SPTLC3: variants seen among roughly 807,000 people sequenced by gnomAD.
SPTLC3 encodes serine palmitoyltransferase 3.
SPTLC3 carries 36 observed loss-of-function variants against 59.3 expected under a neutral mutation model. The observed-to-expected ratio is 0.61, with a 90% confidence interval of 0.47 to 0.80. The LOEUF is 0.80. Among genes scored for constraint, SPTLC3 ranks in the 30% least tolerant of loss-of-function variants. SPTLC3 has a pLI of 0.00. For synonymous variants in SPTLC3, 257 were observed against 240.8 expected, an observed-to-expected ratio of 1.07 and a Z score of -0.62; for missense variants, 625 against 685.1, an observed-to-expected ratio of 0.91 and a Z score of 0.98.
At chr20:13,085,076 G>C (rs943105358) in intron 4 of SPTLC3, among the ~76,000 whole-genome samples, 3 of 152,044 alleles carry the variant, frequency 2.0e-5, no homozygotes, top group African/African-American at 7.2e-5. Context: ...TTAAAATGAA[G>C]GCCTGAGTGA....
At chr20:13,048,902 T>C (rs745392910) in intron 1 of SPTLC3, 43 bp from the exon 2 acceptor site, 1 of 1,507,366 alleles carries the variant, frequency 6.6e-7, no homozygotes. Flanking sequence ...AGTATATCTG[T>C]AACAGGAGAA....
intron 1 of SPTLC3, among the ~76,000 whole-genome samples, chr20:13,043,053 G>A (rs1293200881): frequency 6.6e-6 from 1 of 152,098 alleles, no homozygotes; most frequent in Non-Finnish European, 1.5e-5. Flanking sequence ...ACTCACAGTG[G>A]TTCTGTTTCC....
chr20:13,009,737 CCG>C (rs1985134258), intron 1 of SPTLC3, among the ~76,000 whole-genome samples: 1 of 152,172 alleles, frequency 6.6e-6, no homozygotes, highest in Non-Finnish European at 1.5e-5. Context: ...CCTGCTACAA[CCG>C]TCATGCTTCA....
intron 1 of SPTLC3, among the ~76,000 whole-genome samples, chr20:13,039,923 T>C (rs538264043): frequency 4.6e-5 from 7 of 152,210 alleles, no homozygotes; most frequent in African/African-American, 1.7e-4. Flanking sequence ...ACTGTTATAA[T>C]ATGACATCTA....
chr20:13,026,698 G>A (rs1568568588), intron 1 of SPTLC3, among the ~76,000 whole-genome samples: 1 of 152,160 alleles, frequency 6.6e-6, no homozygotes, highest in African/African-American at 2.4e-5. Context: ...GTTGAAACTC[G>A]GATGACCATA....
chr20:13,092,409 A>G lies in SPTLC3; in HGVS notation c.733-1075A>G, dbSNP rs1366216455. Among the ~76,000 whole-genome samples the G allele has an allele frequency of 2.0e-5, 3 of 152,242 alleles. No individual in the cohort carries two copies. In the East Asian group the frequency reaches 5.8e-4, roughly 29 times the overall value. On this transcript the variant is annotated intron_variant, in intron 5 of 11. Transcript: ENST00000399002. ...ATGTGTCTCATCACAACTACATGCA[A>G]TGTATGGTCTTAGACTGGATTTTGC...
chr20:13,066,936 A>G (rs991407772), intron 2 of SPTLC3, among the ~76,000 whole-genome samples: 1 of 151,422 alleles, frequency 6.6e-6, no homozygotes, highest in Non-Finnish European at 1.5e-5. Context: ...TCAATATAAT[A>G]TTCTAGCTTA....
Position 13,165,490 on chromosome 20 carries a change from GA to G in SPTLC3, c.*625del, listed in dbSNP as rs1252018701. ...ATCAACTGCGACTAGAGACGTCTTT[GA>G]AGGAAATTTTCCTTTTCCTCTTGCT... On this transcript the variant is annotated 3_prime_UTR_variant, in exon 12 of 12. Transcript: ENST00000399002. 1 of 152,224 alleles carries G rather than the reference GA, an allele frequency of 6.6e-6. No homozygotes were observed. Among genetic ancestry groups the G allele is most frequent in the Non-Finnish European group, 1.5e-5 (1 of 68,044 alleles). 9.4% of individuals were successfully genotyped at this position (152,224 alleles called of 1,614,324 possible).
chr20:13,098,722 G>A (rs931654528), intron 6 of SPTLC3, among the ~76,000 whole-genome samples: 2 of 152,192 alleles, frequency 1.3e-5, no homozygotes, highest in Non-Finnish European at 2.9e-5. Context: ...TGTGCCAGAT[G>A]CTGAGGTAAT....
At chr20:13,120,442 T>C (rs1412549714) in intron 8 of SPTLC3, among the ~76,000 whole-genome samples, 1 of 152,212 alleles carries the variant, frequency 6.6e-6, no homozygotes, top group Non-Finnish European at 1.5e-5. Context: ...CTCATAGGGT[T>C]CTCAGTAAAC....
intron 9 of SPTLC3, among the ~76,000 whole-genome samples, chr20:13,128,702 A>T (rs973865068): frequency 1.1e-4 from 17 of 151,342 alleles, no homozygotes; most frequent in African/African-American, 1.7e-4. Context: ...GGGTTTTTTT[A>T]AAATTTGAGA....
intron 9 of SPTLC3, among the ~76,000 whole-genome samples, chr20:13,127,030 G>A (rs750583376): frequency 7.2e-5 from 11 of 152,342 alleles, no homozygotes; most frequent in South Asian, 6.2e-4. Flanking sequence ...ATGTTTGCCT[G>A]TGCTTGCTTG....
At chr20:13,154,278 C>G in intron 10 of SPTLC3, 140 bp downstream of exon 10, 2 of 1,055,022 alleles carry the variant, frequency 1.9e-6, no homozygotes, top group Non-Finnish European at 2.7e-6. Flanking sequence ...CGGAAGCCAC[C>G]TGTCACTCTA....
intron 4 of SPTLC3, among the ~76,000 whole-genome samples, chr20:13,081,508 T>C (rs1568593010): frequency 6.6e-6 from 1 of 152,234 alleles, no homozygotes; most frequent in Non-Finnish European, 1.5e-5. Context: ...CCAGCCTAAA[T>C]ATGCAATATG....
At chr20:13,072,836 C>A (rs1160090265) in intron 3 of SPTLC3, among the ~76,000 whole-genome samples, 3 of 152,202 alleles carry the variant, frequency 2.0e-5, no homozygotes, top group Non-Finnish European at 4.4e-5. Context: ...AAGTAACAAT[C>A]CATGGGTCAA....
chr20:13,034,790 C>CAA (rs144473176), intron 1 of SPTLC3, among the ~76,000 whole-genome samples: 2 of 146,694 alleles, frequency 1.4e-5, no homozygotes, highest in African/African-American at 5.0e-5. Context: ...TGTTATTCAC[C>CAA]AAAAAAAAAA....
At chr20:13,059,946 T>C (rs1464152675) in intron 2 of SPTLC3, among the ~76,000 whole-genome samples, 1 of 152,194 alleles carries the variant, frequency 6.6e-6, no homozygotes, top group African/African-American at 2.4e-5. Context: ...CCCTTGGTGC[T>C]GCCTGCCTAT....
intron 4 of SPTLC3, among the ~76,000 whole-genome samples, chr20:13,084,828 A>C (rs1053359321): frequency 8.5e-5 from 13 of 152,178 alleles, no homozygotes; most frequent in African/African-American, 3.1e-4. Context: ...ATTGCTGAAC[A>C]CTCATTACAC....
At chr20:13,141,576 A>C (rs1317883480) in intron 9 of SPTLC3, among the ~76,000 whole-genome samples, 3 of 152,182 alleles carry the variant, frequency 2.0e-5, no homozygotes, top group Non-Finnish European at 4.4e-5. Flanking sequence ...ATCTACAAAA[A>C]ATTCCGCCCA....
Sources: allele counts gnomAD v4.1 joint callset (sites outside exome capture counted in the v4.1 genomes callset), GRCh38; gene constraint gnomAD v4.1.1; transcripts MANE v1.5; gene names NCBI Gene and HGNC (gene_info 2026-07-23, HGNC 2026-07-21).